Variants in KCNIP4 observed in about 807,000 individuals in gnomAD.
The protein encoded by KCNIP4 is potassium voltage-gated channel interacting protein 4.
KCNIP4 carries 12 observed loss-of-function variants against 34.0 expected under a neutral mutation model. That is an observed-to-expected ratio of 0.35 (90% confidence interval 0.23 to 0.57). The LOEUF is 0.57. Ranked by LOEUF, KCNIP4 falls within the 20% of genes least tolerant of loss-of-function variation. The pLI, the probability that KCNIP4 is intolerant of heterozygous loss-of-function variation, is 0.83. For synonymous variants in KCNIP4, 124 were observed against 102.2 expected, an observed-to-expected ratio of 1.21 and a Z score of -1.29; for missense variants, 238 against 311.7, an observed-to-expected ratio of 0.76 and a Z score of 1.78.
chr4:21,555,461 A>T (rs1481894738), intron 1 of KCNIP4, among the ~76,000 whole-genome samples: 1 of 152,176 alleles, frequency 6.6e-6, no homozygotes, highest in Non-Finnish European at 1.5e-5. Context: ...CTTCCAGGGC[A>T]ATAAAGTTTT....
At chr4:21,116,686 T>G (rs138111331) in intron 1 of KCNIP4, among the ~76,000 whole-genome samples, 1 of 152,218 alleles carries the variant, frequency 6.6e-6, no homozygotes, top group African/African-American at 2.4e-5. Context: ...TGGGCAAAAC[T>G]TTCAGAGTAG....
At chr4:21,213,582 G>A (rs760156264) in intron 1 of KCNIP4, among the ~76,000 whole-genome samples, 36 of 152,020 alleles carry the variant, frequency 2.4e-4, no homozygotes, top group Non-Finnish European at 3.2e-4. Context: ...GATTACAGGC[G>A]TGAGCCACCA....
intron 1 of KCNIP4, among the ~76,000 whole-genome samples, chr4:21,917,736 G>C (rs1220871285): frequency 2.6e-5 from 4 of 152,154 alleles, no homozygotes; most frequent in African/African-American, 9.7e-5. Flanking sequence ...GGCAGCTTCA[G>C]TTACAGTTTT....
Position 21,027,149 on chromosome 4 carries a change from T to G in KCNIP4, c.62-144440A>C, listed in dbSNP as rs558802708. Among the ~76,000 whole-genome samples the G allele has an allele frequency of 8.6e-4, 131 of 152,298 alleles. 1 individual carries two copies. The highest frequency in any genetic ancestry group is 1.3e-3 in the Non-Finnish European group (86 of 68,022). The stretch of plus-strand genomic sequence containing the variant: ...ACATAGAGCTGATGATTAATTAGAC[T>G]AAGATGTCGGTAATGGAGGTAGACT... On this transcript the variant is annotated intron_variant, in intron 1 of 8. Coordinates refer to ENST00000382152, the MANE Select transcript of KCNIP4 (RefSeq NM_025221.6).
chr4:21,168,278 C>A (rs1441842992), intron 1 of KCNIP4, among the ~76,000 whole-genome samples: 1 of 152,058 alleles, frequency 6.6e-6, no homozygotes, highest in Non-Finnish European at 1.5e-5. Flanking sequence ...GGGGCAATGA[C>A]CACAAAAGGA....
rs1304205103 is a variant in KCNIP4, at chr4:21,373,722, T to A, written c.62-491013A>T. 6.1e-5 allele frequency among the ~76,000 whole-genome samples: 9 copies of A among 147,380 alleles called. No individual in the cohort carries two copies. The East Asian group carries it at 1.2e-3, about 19-fold the overall frequency. ...TGTTTATTTATTTATTTATTTATTT[T>A]GTGATGGAGTTTCACTCTTGTTGCT... On this transcript the variant is annotated intron_variant, in intron 1 of 8. Coordinates refer to ENST00000382152, the MANE Select transcript of KCNIP4 (RefSeq NM_025221.6).
intron 1 of KCNIP4, among the ~76,000 whole-genome samples, chr4:21,281,245 C>T (rs765626227): frequency 6.6e-6 from 1 of 151,918 alleles, no homozygotes; most frequent in East Asian, 1.9e-4. Context: ...CACCACCACG[C>T]CCAGCTAATT....
At chr4:21,395,771 A>G (rs1722934904) in intron 1 of KCNIP4, among the ~76,000 whole-genome samples, 1 of 152,114 alleles carries the variant, frequency 6.6e-6, no homozygotes, top group Non-Finnish European at 1.5e-5. Context: ...CAGCTTCATC[A>G]AAGGGCTTCT....
intron 1 of KCNIP4, among the ~76,000 whole-genome samples, chr4:21,360,167 T>G (rs890687863): frequency 6.6e-6 from 1 of 152,132 alleles, no homozygotes; most frequent in Non-Finnish European, 1.5e-5. Context: ...GACATGACCT[T>G]GTACTTATTT....
chr4:20,739,387 A>G (rs1750507626), intron 5 of KCNIP4, among the ~76,000 whole-genome samples: 1 of 152,200 alleles, frequency 6.6e-6, no homozygotes, highest in Non-Finnish European at 1.5e-5. Context: ...CAAAGCTTCC[A>G]GAGGAAGGAT....
At chr4:21,676,512 CT>C (rs1391004384) in intron 1 of KCNIP4, among the ~76,000 whole-genome samples, 1 of 152,190 alleles carries the variant, frequency 6.6e-6, no homozygotes, top group East Asian at 1.9e-4. Context: ...ATATTTCACA[CT>C]TTTTCAACTA....
intron 1 of KCNIP4, among the ~76,000 whole-genome samples, chr4:21,387,961 CAG>C (rs1722180977): frequency 6.6e-6 from 1 of 152,156 alleles, no homozygotes; most frequent in South Asian, 2.1e-4. Flanking sequence ...AGGGACAGCT[CAG>C]AGAGGGGAAT....
At chr4:21,463,263 T>A (rs1159328572) in intron 1 of KCNIP4, among the ~76,000 whole-genome samples, 2 of 152,116 alleles carry the variant, frequency 1.3e-5, no homozygotes, top group Non-Finnish European at 2.9e-5. Flanking sequence ...TCCATGATGA[T>A]TAGTGATGTT....
chr4:20,743,468 C>T (rs1202086850), intron 5 of KCNIP4, among the ~76,000 whole-genome samples: 1 of 152,138 alleles, frequency 6.6e-6, no homozygotes. Flanking sequence ...TAATACCACA[C>T]ATCTACAACC....
intron 1 of KCNIP4, among the ~76,000 whole-genome samples, chr4:21,859,751 G>A (rs2109348769): frequency 6.6e-6 from 1 of 152,320 alleles, no homozygotes; most frequent in Non-Finnish European, 1.5e-5. Flanking sequence ...TGATTCAGAA[G>A]GGAGTGGCGG....
intron 1 of KCNIP4, among the ~76,000 whole-genome samples, chr4:21,104,468 A>G (rs1478562379): frequency 1.3e-5 from 2 of 151,838 alleles, no homozygotes; most frequent in Non-Finnish European, 2.9e-5. Context: ...AAATTTGTTT[A>G]AGTTCTTTGT....
chr4:20,905,567 A>G (rs1209926680), intron 1 of KCNIP4, among the ~76,000 whole-genome samples: 3 of 125,280 alleles, frequency 2.4e-5, no homozygotes, highest in Non-Finnish European at 4.7e-5. Flanking sequence ...GTTGGAGTGC[A>G]CTGGTGCAAT....
chr4:20,857,750 A>G (rs1721758482), intron 2 of KCNIP4, among the ~76,000 whole-genome samples: 1 of 152,122 alleles, frequency 6.6e-6, no homozygotes, highest in Admixed American at 6.6e-5. Flanking sequence ...TATTTTGTCA[A>G]ACTCCTCAGA....
At chr4:21,439,845 G>A (rs1242368033) in intron 1 of KCNIP4, among the ~76,000 whole-genome samples, 1 of 152,334 alleles carries the variant, frequency 6.6e-6, no homozygotes, top group South Asian at 2.1e-4. Context: ...CTTAAGGCCT[G>A]TTTAAGGCAG....
Sources: gnomAD v4.1 joint callset for allele counts (sites outside exome capture counted in the v4.1 genomes callset) on GRCh38, gnomAD v4.1.1 for gene constraint, MANE v1.5 for transcripts, NCBI Gene and HGNC (gene_info 2026-07-23, HGNC 2026-07-21) for gene names.